The following CDKL4 variants were observed in gnomAD, a reference collection of about 807,000 sequenced individuals.
CDKL4 encodes cyclin-dependent kinase-like 4.
In CDKL4, 44 loss-of-function variants were observed where a neutral mutation model predicts 42.0. The observed-to-expected ratio is 1.05, with a 90% CI of 0.82 to 1.35. The LOEUF (loss-of-function observed/expected upper bound fraction) is 1.35, where lower values mean the gene tolerates loss of function less well. CDKL4 is among the 40% of genes most tolerant of loss of function. CDKL4 has a pLI of 0.00. For missense variants in CDKL4, 393 were observed against 369.9 expected (o/e 1.06, Z -0.51); for synonymous variants, 120 against 121.6 (o/e 0.99, Z 0.09).
upstream of CDKL4, among the ~76,000 whole-genome samples, chr2:39,246,446 T>C (rs1679917176): frequency 6.6e-6 from 1 of 152,256 alleles, no homozygotes; most frequent in South Asian, 2.1e-4. Context: ...TCATGATACT[T>C]GCTCTCCAGT....
intron 6 of CDKL4, among the ~76,000 whole-genome samples, chr2:39,189,381 C>T (rs1016707275): frequency 2.6e-5 from 4 of 152,150 alleles, no homozygotes; most frequent in African/African-American, 9.7e-5. Context: ...CATGGAAGCT[C>T]CCTAAGCCTC....
chr2:39,185,386 ACATG>A (rs1309293158), intron 7 of CDKL4, among the ~76,000 whole-genome samples: 4 of 15,226 alleles, frequency 2.6e-4, no homozygotes, highest in Non-Finnish European at 6.6e-4. Context: ...ATGTATATAT[ACATG>A]TATATATACA....
chr2:39,235,609 T>C (rs750697668), intron 1 of CDKL4, among the ~76,000 whole-genome samples: 23 of 152,068 alleles, frequency 1.5e-4, no homozygotes, highest in Non-Finnish European at 3.4e-4. Context: ...TATCTGGGTG[T>C]GGTGGTACAT....
intron 3 of CDKL4, among the ~76,000 whole-genome samples, chr2:39,214,800 G>C (rs773746680): frequency 1.3e-5 from 2 of 152,132 alleles, no homozygotes; most frequent in Non-Finnish European, 2.9e-5. Flanking sequence ...GGGAGAATAA[G>C]GATCCCATAA....
intron 9 of CDKL4, among the ~76,000 whole-genome samples, chr2:39,177,503 T>G (rs2148275748): frequency 6.6e-6 from 1 of 151,124 alleles, no homozygotes; most frequent in South Asian, 2.1e-4. Context: ...CTCCAGGGTT[T>G]AAGCGATTCT....
intron 5 of CDKL4, among the ~76,000 whole-genome samples, chr2:39,194,161 T>C (rs1475174348): frequency 2.0e-5 from 3 of 152,146 alleles, no homozygotes; most frequent in Admixed American, 6.5e-5. Context: ...TCAGTAGTTA[T>C]TGTTTGAAAA....
intron 7 of CDKL4, among the ~76,000 whole-genome samples, chr2:39,186,642 A>C (rs947993542): frequency 6.6e-6 from 1 of 152,214 alleles, no homozygotes; most frequent in African/African-American, 2.4e-5. Flanking sequence ...AATGAGTACA[A>C]TGGGGATCAT....
At position 39,229,609 on chromosome 2, in the gene CDKL4, G is replaced by A. The variant is rs959351545; in HGVS notation, c.-56-21C>T. On this transcript the variant is annotated intron_variant, in intron 1 of 9. Coordinates refer to ENST00000451199, the Ensembl canonical transcript of CDKL4. ...TGCACCTGGAAAATAAGGTAGACTT[G>A]CCTTAATCAAGCTATAAAAGACAAT... 3 of 1,173,438 alleles carry A rather than the reference G, an allele frequency of 2.6e-6. No homozygotes were observed. The East Asian group carries it at 7.3e-5, about 28-fold the overall frequency. 72.7% of individuals were successfully genotyped at this position (1,173,438 alleles called of 1,614,324 possible).
chr2:39,208,572 A>T (rs1295859912), intron 4 of CDKL4, among the ~76,000 whole-genome samples: 1 of 152,034 alleles, frequency 6.6e-6, no homozygotes, highest in African/African-American at 2.4e-5. Flanking sequence ...TGAACTCCTG[A>T]CCTCAGGTGA....
chr2:39,187,846 T>A (rs1460263716), intron 6 of CDKL4, 137 bp from the exon 7 acceptor site: 16 of 602,906 alleles, frequency 2.7e-5, no homozygotes, highest in Non-Finnish European at 4.4e-5. Flanking sequence ...GGCAGGTGGA[T>A]CACTTGACGT....
At chr2:39,238,301 C>T (rs1036066959) in intron 1 of CDKL4, among the ~76,000 whole-genome samples, 1 of 152,086 alleles carries the variant, frequency 6.6e-6, no homozygotes, top group African/African-American at 2.4e-5. Flanking sequence ...GGTCTAGTGG[C>T]CCTCGCCTGT....
chr2:39,204,172 C>G (rs1677025016), intron 5 of CDKL4, among the ~76,000 whole-genome samples: 1 of 152,206 alleles, frequency 6.6e-6, no homozygotes, highest in African/African-American at 2.4e-5. Context: ...ATTAATATCT[C>G]CCTCCAGGGA....
At chr2:39,214,529 TA>T (rs1485379823) in intron 3 of CDKL4, among the ~76,000 whole-genome samples, 1 of 152,246 alleles carries the variant, frequency 6.6e-6, no homozygotes, top group Non-Finnish European at 1.5e-5. Flanking sequence ...TGAATATCTG[TA>T]ATCATCCATC....
At chr2:39,236,447 G>A (rs2148405579) in intron 1 of CDKL4, among the ~76,000 whole-genome samples, 1 of 152,188 alleles carries the variant, frequency 6.6e-6, no homozygotes, top group East Asian at 1.9e-4. Context: ...TAATATACAG[G>A]TCTTAAAAGT....
intron 3 of CDKL4, among the ~76,000 whole-genome samples, chr2:39,217,075 C>T (rs1333878071): frequency 2.6e-5 from 4 of 152,182 alleles, no homozygotes; most frequent in South Asian, 2.1e-4. Flanking sequence ...AGAGAGTACA[C>T]ATCGACGCGG....
intron 4 of CDKL4, among the ~76,000 whole-genome samples, chr2:39,208,909 C>T (rs895711773): frequency 2.6e-5 from 4 of 151,886 alleles, no homozygotes; most frequent in East Asian, 1.9e-4. Flanking sequence ...GCTCACACAT[C>T]GAGGAGAGAG....
At chr2:39,221,686 A>G (rs1392358348) in intron 3 of CDKL4, among the ~76,000 whole-genome samples, 1 of 152,244 alleles carries the variant, frequency 6.6e-6, no homozygotes, top group Non-Finnish European at 1.5e-5. Flanking sequence ...TAAGAGTGCA[A>G]AGTGGGATAG....
At chr2:39,219,850 C>T (rs1341797871) in intron 3 of CDKL4, among the ~76,000 whole-genome samples, 1 of 152,092 alleles carries the variant, frequency 6.6e-6, no homozygotes, top group Non-Finnish European at 1.5e-5. Flanking sequence ...GTGAGGTGGT[C>T]TGGTTGCTTC....
chr2:39,245,581 A>G (rs1679880232), upstream of CDKL4, among the ~76,000 whole-genome samples: 1 of 152,204 alleles, frequency 6.6e-6, no homozygotes, highest in African/African-American at 2.4e-5. Context: ...GAACGGAGCA[A>G]AAGTTGAATG....
Sources: gnomAD v4.1 joint callset for allele counts (sites outside exome capture counted in the v4.1 genomes callset) on GRCh38, gnomAD v4.1.1 for gene constraint, MANE v1.5 for transcripts, NCBI Gene and HGNC (gene_info 2026-07-23, HGNC 2026-07-21) for gene names.